Variants in DNAH9 observed in about 807,000 individuals in gnomAD.
DNAH9 encodes the protein dynein axonemal heavy chain 9, also known as DNAH9 variant protein.
Under a neutral mutation model 471.6 loss-of-function variants are expected in DNAH9, and 345 were observed. The observed-to-expected ratio is 0.73, with a 90% CI of 0.67 to 0.80. The LOEUF (loss-of-function observed/expected upper bound fraction) is 0.80. DNAH9 is among the 30% of genes least tolerant of loss of function. DNAH9 has a pLI of 0.00. For synonymous variants in DNAH9, 2,093 were observed against 2,123.6 expected (o/e 0.99, Z 0.40); for missense variants, 5,407 against 5,609.2 (o/e 0.96, Z 1.15).
chr17:11,769,655 C>G (rs952385297), intron 38 of DNAH9, among the ~76,000 whole-genome samples: 2 of 152,234 alleles, frequency 1.3e-5, no homozygotes, highest in Admixed American at 1.3e-4. Context: ...CAAGAACTTG[C>G]AGACTTCCGG....
rs563909179 is a variant in DNAH9 at position 11,957,984 on chromosome 17, A to G, written c.12844-3883A>G. On this transcript the variant is annotated intron_variant, in intron 67 of 68. Coordinates refer to ENST00000262442, the MANE Select transcript of DNAH9 (RefSeq NM_001372.4). ...ACCTGCAGATGTTTATAACAGCATTATTCGTAACTGCCAAAACTTGGAAGA... is the reference window on the plus strand; with the variant it reads ...ACCTGCAGATGTTTATAACAGCATTGTTCGTAACTGCCAAAACTTGGAAGA... 2.6e-5 allele frequency among the ~76,000 whole-genome samples: 4 copies of G among 152,348 alleles called. No homozygotes were observed. The South Asian group carries it at 8.3e-4, about 32-fold the overall frequency.
chr17:11,944,943 A>G (rs910844391), intron 67 of DNAH9, among the ~76,000 whole-genome samples: 2 of 152,208 alleles, frequency 1.3e-5, no homozygotes, highest in Admixed American at 1.3e-4. Context: ...TTCAGAGAAG[A>G]GAGTTTTAAG....
chr17:11,825,526 G>A (rs553742120), intron 48 of DNAH9, among the ~76,000 whole-genome samples: 1 of 152,332 alleles, frequency 6.6e-6, no homozygotes, highest in East Asian at 1.9e-4. Context: ...AGCAGAGACT[G>A]AAGAAAGCAC....
intron 58 of DNAH9, among the ~76,000 whole-genome samples, chr17:11,894,148 G>A (rs1346314369): frequency 6.6e-6 from 1 of 152,092 alleles, no homozygotes; most frequent in Non-Finnish European, 1.5e-5. Context: ...ATAGTCACTC[G>A]CTGTGTGCAG....
chr17:11,740,950 A>G (rs951820461), intron 29 of DNAH9, among the ~76,000 whole-genome samples: 1 of 150,164 alleles, frequency 6.7e-6, no homozygotes, highest in Non-Finnish European at 1.5e-5. Context: ...GACTATATAT[A>G]GTTTAGTATC....
chr17:11,882,954 G>A, intron 55 of DNAH9: 1 of 985,524 alleles, frequency 1.0e-6, no homozygotes, highest in Non-Finnish European at 1.2e-6. Flanking sequence ...ACCTCCAACA[G>A]GAAGGTTGTT....
At chr17:11,725,878 C>A (rs1017889091) in intron 27 of DNAH9, among the ~76,000 whole-genome samples, 7 of 151,810 alleles carry the variant, frequency 4.6e-5, no homozygotes, top group African/African-American at 9.7e-5. Flanking sequence ...AAAAAACAAA[C>A]AAAAAAAATT....
intron 50 of DNAH9, among the ~76,000 whole-genome samples, chr17:11,854,814 T>C (rs1334007586): frequency 6.6e-6 from 1 of 152,180 alleles, no homozygotes; most frequent in South Asian, 2.1e-4. Context: ...AGCATGGATG[T>C]GTGGAAATGT....
chr17:11,969,713 G>A lies in DNAH9; in HGVS notation c.*186G>A, dbSNP rs898089356. On this transcript the variant is annotated 3_prime_UTR_variant, in exon 69 of 69. Transcript: ENST00000262442. ...GGTGAGGCTGAGCTGAAGGAATGTGGGCCCAGGTTTCTTAATAAAATGATT... is the reference window on the plus strand; with the variant it reads ...GGTGAGGCTGAGCTGAAGGAATGTGAGCCCAGGTTTCTTAATAAAATGATT... 1.2e-5 allele frequency: 7 copies of A among 587,134 alleles called. No individual in the cohort carries two copies. Among genetic ancestry groups the A allele is most frequent in the African/African-American group, 1.9e-5 (1 of 53,610 alleles). 36.4% of individuals were successfully genotyped at this position (587,134 alleles called of 1,614,324 possible). A position where few individuals can be genotyped will look rare whatever the true frequency, so the allele number is the denominator to read the frequency against.
chr17:11,744,075 G>T (rs1012649270), intron 30 of DNAH9, among the ~76,000 whole-genome samples: 11 of 152,078 alleles, frequency 7.2e-5, no homozygotes, highest in Admixed American at 6.5e-5. Context: ...TGATCCACCT[G>T]CCTCGGCCTC....
intron 50 of DNAH9, among the ~76,000 whole-genome samples, chr17:11,861,405 T>C (rs1328270585): frequency 6.6e-6 from 1 of 151,854 alleles, no homozygotes; most frequent in Non-Finnish European, 1.5e-5. Flanking sequence ...GTGCCACATT[T>C]TCTTAATCCA....
intron 52 of DNAH9, among the ~76,000 whole-genome samples, chr17:11,874,244 CAAAA>C (rs770328921): frequency 3.8e-5 from 4 of 106,452 alleles, no homozygotes; most frequent in African/African-American, 1.1e-4. Flanking sequence ...GATTCCATCT[CAAAA>C]AAAAAAAAAA....
At chr17:11,968,194 T>C (rs1342993863) in intron 68 of DNAH9, among the ~76,000 whole-genome samples, 3 of 152,162 alleles carry the variant, frequency 2.0e-5, no homozygotes, top group Non-Finnish European at 4.4e-5. Context: ...TTTTACAGTA[T>C]GTTGGGGAAA....
chr17:11,633,601 C>T (rs557953519), intron 8 of DNAH9, among the ~76,000 whole-genome samples: 13 of 152,210 alleles, frequency 8.5e-5, no homozygotes, highest in Admixed American at 3.9e-4. Flanking sequence ...TACCGTAATT[C>T]ACATTGGAAG....
At chr17:11,731,972 A>G (rs2075278068) in intron 28 of DNAH9, among the ~76,000 whole-genome samples, 1 of 152,184 alleles carries the variant, frequency 6.6e-6, no homozygotes, top group Non-Finnish European at 1.5e-5. Flanking sequence ...AGGAATCTCC[A>G]CATTGACTTC....
intron 61 of DNAH9, 53 bp from the exon 62 acceptor site, chr17:11,923,761 A>G (rs950799097): frequency 6.0e-5 from 96 of 1,602,100 alleles, no homozygotes; most frequent in Non-Finnish European, 8.0e-5. Flanking sequence ...TGAACATCAA[A>G]CATCCATCAT....
chr17:11,805,523 C>CTTTTTTTTTTTTTTTTTTTTTT lies in DNAH9; in HGVS notation c.8421-2188_8421-2167dup, dbSNP rs773842478. ...TATTTGGCCAAACTTTACCCGAGTT[C>CTTTTTTTTTTTTTTTTTTTTTT]TTTTTTTTTTTTTTTTTTTTTTTTT... On this transcript the variant is annotated intron_variant, in intron 43 of 68. Coordinates refer to ENST00000262442, the MANE Select transcript of DNAH9 (RefSeq NM_001372.4). Among the ~76,000 whole-genome samples, 4 of 52,070 alleles carry CTTTTTTTTTTTTTTTTTTTTTT rather than the reference C, an allele frequency of 7.7e-5. 2 individuals carry two copies. Among genetic ancestry groups the CTTTTTTTTTTTTTTTTTTTTTT allele is most frequent in the South Asian group, 1.7e-3 (2 of 1,202 alleles). 34.2% of individuals were successfully genotyped at this position (52,070 alleles called of 152,430 possible). A position where few individuals can be genotyped will look rare whatever the true frequency, so the allele number is the denominator to read the frequency against.
chr17:11,747,346 G>A (rs1472788225), intron 31 of DNAH9, among the ~76,000 whole-genome samples: 2 of 152,190 alleles, frequency 1.3e-5, no homozygotes, highest in African/African-American at 4.8e-5. Flanking sequence ...CTTGGTTGGT[G>A]ACTAATAATT....
intron 61 of DNAH9, among the ~76,000 whole-genome samples, chr17:11,917,183 T>G (rs1973986016): frequency 6.6e-6 from 1 of 152,112 alleles, no homozygotes; most frequent in Non-Finnish European, 1.5e-5. Context: ...GACGGAGCTT[T>G]GCTCTTGTCA....
Sources: gnomAD v4.1 joint callset for allele counts (sites outside exome capture counted in the v4.1 genomes callset) on GRCh38, gnomAD v4.1.1 for gene constraint, MANE v1.5 for transcripts, NCBI Gene and HGNC (gene_info 2026-07-23, HGNC 2026-07-21) for gene names.